The following PTN variants were observed in gnomAD, a reference collection of about 807,000 sequenced individuals.
PTN encodes pleiotrophin, also known as heparin affin regulatory protein.
PTN carries 18 observed loss-of-function variants against 24.1 expected under a neutral mutation model. That is an observed-to-expected ratio of 0.75 (90% confidence interval 0.52 to 1.11). PTN has a LOEUF of 1.11. Ranked by LOEUF, PTN falls within the 50% of genes least tolerant of loss-of-function variation. The pLI is 0.00. For missense variants in PTN, 163 were observed against 198.8 expected (o/e 0.82, Z 1.08); for synonymous variants, 78 against 68.6 (o/e 1.14, Z -0.67).
intron 1 of PTN, among the ~76,000 whole-genome samples, chr7:137,336,609 A>G (rs1810453644): frequency 6.6e-6 from 1 of 152,126 alleles, no homozygotes; most frequent in African/African-American, 2.4e-5. Flanking sequence ...CTGCATTTAG[A>G]GAGAAGGAAG....
chr7:137,312,991 T>C (rs1171458817), intron 1 of PTN, among the ~76,000 whole-genome samples: 8 of 152,156 alleles, frequency 5.3e-5, no homozygotes, highest in Admixed American at 3.9e-4. Flanking sequence ...CCAGGTGTTA[T>C]TTATATGTGG....
intron 1 of PTN, among the ~76,000 whole-genome samples, chr7:137,327,140 G>A (rs185930081): frequency 6.6e-6 from 1 of 152,188 alleles, no homozygotes; most frequent in Admixed American, 6.5e-5. Context: ...GGTAAGGGTT[G>A]GTACACAAAG....
At chr7:137,325,618 T>C (rs896567572) in intron 1 of PTN, 33 of 152,334 alleles carry the variant, frequency 2.2e-4, no homozygotes, top group Middle Eastern at 3.4e-3. Context: ...CATATTTTAA[T>C]CAATATTTAC....
chr7:137,314,595 TGC>T (rs1810038238), intron 1 of PTN, among the ~76,000 whole-genome samples: 2 of 101,394 alleles, frequency 2.0e-5, no homozygotes. Context: ...TTTTACATGA[TGC>T]TTTTTTTTTT....
intron 1 of PTN, among the ~76,000 whole-genome samples, chr7:137,293,946 A>G (rs2128877590): frequency 6.6e-6 from 1 of 152,246 alleles, no homozygotes; most frequent in Non-Finnish European, 1.5e-5. Context: ...AAATGGAATT[A>G]TTTAAAATTG....
chr7:137,235,669 GT>G (rs1234227886), intron 4 of PTN, among the ~76,000 whole-genome samples: 4 of 151,964 alleles, frequency 2.6e-5, no homozygotes, highest in African/African-American at 9.7e-5. Context: ...TACGATATGT[GT>G]GGAAAACATG....
intron 4 of PTN, among the ~76,000 whole-genome samples, chr7:137,246,363 T>A (rs1336452259): frequency 6.6e-6 from 1 of 152,186 alleles, no homozygotes; most frequent in Admixed American, 6.5e-5. Flanking sequence ...AGGCTACACA[T>A]CTACACTTGT....
intron 1 of PTN, among the ~76,000 whole-genome samples, chr7:137,304,305 G>C (rs187166816): frequency 4.6e-5 from 7 of 151,902 alleles, no homozygotes; most frequent in African/African-American, 1.4e-4. Flanking sequence ...TAATTCAAAA[G>C]GTGGCCACTC....
At chr7:137,319,986 T>C (rs1275418027) in intron 1 of PTN, among the ~76,000 whole-genome samples, 1 of 152,192 alleles carries the variant, frequency 6.6e-6, no homozygotes, top group Admixed American at 6.5e-5. Context: ...TGTCTGTATG[T>C]CCATGTTCCC....
At chr7:137,246,179 A>AT (rs1808720593) in intron 4 of PTN, among the ~76,000 whole-genome samples, 1 of 152,046 alleles carries the variant, frequency 6.6e-6, no homozygotes, top group African/African-American at 2.4e-5. Flanking sequence ...GAGATGTACC[A>AT]TTTTTTTCTT....
chr7:137,307,501 T>C (rs965348967), intron 1 of PTN, among the ~76,000 whole-genome samples: 1 of 152,182 alleles, frequency 6.6e-6, no homozygotes. Context: ...CGCTGATTTC[T>C]ATTCCAACAA....
chr7:137,269,736 G>A (rs575917597), intron 1 of PTN, among the ~76,000 whole-genome samples: 5 of 146,558 alleles, frequency 3.4e-5, no homozygotes, highest in Admixed American at 1.4e-4. Flanking sequence ...GGGTTCAAGC[G>A]ATTCTCCTGT....
chr7:137,234,982 T>A (rs1808494855), intron 4 of PTN, among the ~76,000 whole-genome samples: 1 of 152,150 alleles, frequency 6.6e-6, no homozygotes, highest in African/African-American at 2.4e-5. Context: ...AGAGATAGAA[T>A]TCATTTTAGC....
intron 1 of PTN, among the ~76,000 whole-genome samples, chr7:137,294,106 G>C (rs1456543840): frequency 6.6e-6 from 1 of 152,050 alleles, no homozygotes; most frequent in African/African-American, 2.4e-5. Context: ...TACTCATTTA[G>C]GCAAAAATTT....
At chr7:137,315,194 C>G (rs572721624) in intron 1 of PTN, among the ~76,000 whole-genome samples, 1 of 152,262 alleles carries the variant, frequency 6.6e-6, no homozygotes, top group Admixed American at 6.5e-5. Flanking sequence ...CACCATTAAT[C>G]AAATGAACAC....
chr7:137,234,888 T>C (rs1585003937), intron 4 of PTN, among the ~76,000 whole-genome samples: 1 of 152,070 alleles, frequency 6.6e-6, no homozygotes, highest in Non-Finnish European at 1.5e-5. Context: ...TGTTCGCTGC[T>C]GACTTAAATA....
chr7:137,323,250 G>A (rs775178459), intron 1 of PTN, among the ~76,000 whole-genome samples: 6 of 152,198 alleles, frequency 3.9e-5, no homozygotes, highest in Non-Finnish European at 8.8e-5. Flanking sequence ...GACAGACTAT[G>A]AAAGAAGGGA....
intron 1 of PTN, among the ~76,000 whole-genome samples, chr7:137,327,281 A>T (rs539529503): frequency 2.6e-5 from 4 of 152,158 alleles, no homozygotes; most frequent in Non-Finnish European, 5.9e-5. Flanking sequence ...GATTCCTTAC[A>T]ATCTAACTTG....
At chr7:137,323,910 G>A (rs1279473487) in intron 1 of PTN, among the ~76,000 whole-genome samples, 1 of 152,116 alleles carries the variant, frequency 6.6e-6, no homozygotes, top group Non-Finnish European at 1.5e-5. Context: ...GGAGAGAGAA[G>A]AGAATCCACA....
Sources: gnomAD v4.1 joint callset for allele counts (sites outside exome capture counted in the v4.1 genomes callset) on GRCh38, gnomAD v4.1.1 for gene constraint, MANE v1.5 for transcripts, NCBI Gene and HGNC (gene_info 2026-07-23, HGNC 2026-07-21) for gene names.